METTL15: variants seen among roughly 807,000 people sequenced by gnomAD.
METTL15 encodes the protein methyltransferase 15, mitochondrial 12S rRNA N4-cytidine.
In METTL15, 34 loss-of-function variants were observed where a neutral mutation model predicts 38.3. That is an observed-to-expected ratio of 0.89 (90% CI 0.68 to 1.18). The LOEUF (loss-of-function observed/expected upper bound fraction) is 1.18. Ranked by LOEUF, METTL15 falls within the 50% of genes most tolerant of loss-of-function variation. The pLI is 0.00. For missense variants in METTL15, 438 were observed against 498.4 expected (o/e 0.88, Z 1.15); for synonymous variants, 162 against 170.9 (o/e 0.95, Z 0.41).
rs538809561 is a variant in METTL15, at chr11:28,113,082, G to A, written c.-17-236G>A. On this transcript the variant is annotated intron_variant, in intron 2 of 6. Transcript: ENST00000407364. ...ATGTTAATGATATTAGAATGTATTA[G>A]GCTACATTAAAAATTGTATTTAAAT... is the stretch of plus-strand genomic sequence containing the variant. Among the ~76,000 whole-genome samples, 454 of 151,946 alleles carry A rather than the reference G, an allele frequency of 3.0e-3. 1 individual carries two copies. Among genetic ancestry groups the A allele is most frequent in the Middle Eastern group, 6.8e-3 (2 of 294 alleles).
At chr11:28,281,069 T>C (rs1423706806) in intron 4 of METTL15, among the ~76,000 whole-genome samples, 2 of 152,164 alleles carry the variant, frequency 1.3e-5, no homozygotes, top group African/African-American at 4.8e-5. Flanking sequence ...TCACACATTG[T>C]TTTTTAAAAA....
At chr11:28,161,057 C>G (rs1850439280) in intron 3 of METTL15, among the ~76,000 whole-genome samples, 1 of 148,568 alleles carries the variant, frequency 6.7e-6, no homozygotes, top group South Asian at 2.1e-4. Context: ...TTAAGTATTA[C>G]AGTATACAAA....
chr11:28,428,962 C>T (rs1306041246), intron 6 of METTL15, among the ~76,000 whole-genome samples: 1 of 152,130 alleles, frequency 6.6e-6, no homozygotes, highest in East Asian at 1.9e-4. Flanking sequence ...ATTCATATTA[C>T]CTTTATCTGG....
chr11:28,176,771 C>T (rs1036862642), intron 3 of METTL15, among the ~76,000 whole-genome samples: 1 of 151,944 alleles, frequency 6.6e-6, no homozygotes, highest in Non-Finnish European at 1.5e-5. Flanking sequence ...ATTCAGTTGC[C>T]TTACATGTAA....
chr11:28,447,478 GATAAAGTATTGA>G (rs1421200846), intron 6 of METTL15, among the ~76,000 whole-genome samples: 1 of 152,118 alleles, frequency 6.6e-6, no homozygotes, highest in Admixed American at 6.5e-5. Context: ...GAGTCCTGGT[GATAAAGTATTGA>G]ATAACGAAAA....
At chr11:28,209,013 C>T (rs1342598595) in intron 3 of METTL15, among the ~76,000 whole-genome samples, 1 of 151,934 alleles carries the variant, frequency 6.6e-6, no homozygotes, top group Non-Finnish European at 1.5e-5. Context: ...CTGTGTTACA[C>T]TTGACTGGTA....
chr11:28,238,623 C>T (rs984120964), intron 4 of METTL15, among the ~76,000 whole-genome samples: 4 of 152,208 alleles, frequency 2.6e-5, no homozygotes, highest in African/African-American at 9.6e-5. Flanking sequence ...CTGTCCTGCG[C>T]CCACTGTCTG....
intron 6 of METTL15, among the ~76,000 whole-genome samples, chr11:28,487,858 T>TTTCA (rs1197874222): frequency 1.3e-5 from 2 of 152,146 alleles, no homozygotes; most frequent in Non-Finnish European, 2.9e-5. Context: ...AATCTATAGT[T>TTTCA]TGGAAGTAAG....
At chr11:28,235,745 T>C (rs1282701317) in intron 4 of METTL15, among the ~76,000 whole-genome samples, 1 of 152,192 alleles carries the variant, frequency 6.6e-6, no homozygotes, top group Non-Finnish European at 1.5e-5. Flanking sequence ...AATCATGTCA[T>C]CTGCAAACAG....
chr11:28,405,136 G>A (rs1850663264), intron 5 of METTL15, among the ~76,000 whole-genome samples: 2 of 152,124 alleles, frequency 1.3e-5, no homozygotes, highest in South Asian at 4.1e-4. Context: ...CACAAAACTA[G>A]CTAATGGCAA....
chr11:28,270,101 A>G (rs1194866341), intron 4 of METTL15, among the ~76,000 whole-genome samples: 1 of 152,146 alleles, frequency 6.6e-6, no homozygotes, highest in Non-Finnish European at 1.5e-5. Flanking sequence ...TACTACTGTT[A>G]TTGTTATGAA....
chr11:28,257,432 C>T (rs1327012142), intron 4 of METTL15, among the ~76,000 whole-genome samples: 3 of 152,126 alleles, frequency 2.0e-5, no homozygotes, highest in Admixed American at 1.3e-4. Flanking sequence ...ATATCTTCCT[C>T]GAGATTTGGG....
chr11:28,198,440 T>G (rs973253311), intron 3 of METTL15, among the ~76,000 whole-genome samples: 3 of 151,984 alleles, frequency 2.0e-5, no homozygotes, highest in African/African-American at 7.2e-5. Context: ...AAAGATTTAT[T>G]TTGTGAATAG....
chr11:28,511,509 G>A (rs907869397), intron 6 of METTL15, among the ~76,000 whole-genome samples: 3 of 152,144 alleles, frequency 2.0e-5, no homozygotes, highest in Non-Finnish European at 2.9e-5. Flanking sequence ...TAAAGGTGGC[G>A]TGTCCGGAGT....
intron 6 of METTL15, among the ~76,000 whole-genome samples, chr11:28,431,792 AAAAAAAAAAAAAAAAG>A (rs781238358): frequency 0.3 from 11,225 of 37,938 alleles, 704 homozygotes; most frequent in East Asian, 0.52. Flanking sequence ...AATAAATTTA[AAAAAAAAAAAAAAAAG>A]AAAAAAAAAA....
chr11:28,311,821 T>A (rs968541576), intron 6 of METTL15, among the ~76,000 whole-genome samples: 1 of 152,238 alleles, frequency 6.6e-6, no homozygotes, highest in African/African-American at 2.4e-5. Context: ...TAGTGGGTAA[T>A]TGAGTGAGTT....
chr11:28,426,815 G>A (rs1850869948), intron 6 of METTL15, among the ~76,000 whole-genome samples: 1 of 151,298 alleles, frequency 6.6e-6, no homozygotes, highest in Non-Finnish European at 1.5e-5. Flanking sequence ...ATGTGTTTAA[G>A]TTCCTTGTAG....
intron 3 of METTL15, among the ~76,000 whole-genome samples, chr11:28,210,429 C>T (rs900566006): frequency 1.3e-5 from 2 of 151,714 alleles, no homozygotes; most frequent in Admixed American, 1.3e-4. Flanking sequence ...ATCCCAAAGA[C>T]ATAGATACTT....
At chr11:28,214,914 C>T (rs1403249556) in intron 4 of METTL15, among the ~76,000 whole-genome samples, 3 of 152,060 alleles carry the variant, frequency 2.0e-5, no homozygotes, top group Non-Finnish European at 4.4e-5. Flanking sequence ...CTTTCCTTTC[C>T]AGCATAAGGG....
Sources: gnomAD v4.1 joint callset for allele counts (sites outside exome capture counted in the v4.1 genomes callset) on GRCh38, gnomAD v4.1.1 for gene constraint, MANE v1.5 for transcripts, NCBI Gene and HGNC (gene_info 2026-07-23, HGNC 2026-07-21) for gene names.